AK7: variants seen among roughly 807,000 people sequenced by gnomAD.
AK7 encodes the protein adenylate kinase 7, also known as ATP-AMP transphosphorylase 7.
AK7 carries 78 observed loss-of-function variants against 96.6 expected under a neutral mutation model. That is an observed-to-expected ratio of 0.81 (90% CI 0.67 to 0.97). The LOEUF (loss-of-function observed/expected upper bound fraction) is 0.97, where lower values mean the gene tolerates loss of function less well. AK7 is among the 50% of genes least tolerant of loss of function. The pLI is 0.00. For missense variants in AK7, 855 were observed against 887.9 expected (o/e 0.96, Z 0.47); for synonymous variants, 302 against 317.2 (o/e 0.95, Z 0.51).
chr14:96,486,983 A>G lies in AK7; in HGVS notation c.2060A>G (p.Tyr687Cys), dbSNP rs747492257. 2 of 1,614,168 alleles carry G rather than the reference A, an allele frequency of 1.2e-6. No individual in the cohort carries two copies. Among genetic ancestry groups the G allele is most frequent in the East Asian group, 2.2e-5 (1 of 44,880 alleles). Residue 687 changes from tyrosine to cysteine, a missense_variant, in exon 17 of 18, where the codon TAT becomes TGT. Coordinates refer to ENST00000267584, the MANE Select transcript of AK7 (RefSeq NM_152327.5). ...CCCCTGAGAAACTATTTAATGACCTATGTGATGCCAACTCTTATTCAGGGC... is the reference window on the plus strand; with the variant it reads ...CCCCTGAGAAACTATTTAATGACCTGTGTGATGCCAACTCTTATTCAGGGC... ...SIPLRNYLMT[Y>C]VMPTLIQGLN...
chr14:96,462,054 A>C (rs980934633), intron 12 of AK7, among the ~76,000 whole-genome samples: 3 of 152,168 alleles, frequency 2.0e-5, no homozygotes, highest in African/African-American at 7.2e-5. Context: ...GAGAACACTC[A>C]CTGAGGCCCC....
rs1889775447 is a variant in AK7 at position 96,392,187 on chromosome 14, G to C, written c.33G>C (p.Thr11=). 1.2e-6 allele frequency: 2 copies of C among 1,613,560 alleles called. No individual in the cohort carries two copies. Among genetic ancestry groups the C allele is most frequent in the Non-Finnish European group, 1.7e-6 (2 of 1,179,630 alleles). The change falls in exon 1 of 18, where the codon ACG becomes ACC. Residue 11 remains threonine, a synonymous_variant. Coordinates refer to ENST00000267584, the MANE Select transcript of AK7 (RefSeq NM_152327.5). MAEEEETAAL[T]EKVIRTQRVF... Reference sequence around the variant, plus strand: ...AAGAAGAGGAAACTGCTGCTCTCACGGAGAAGGTTATCCGGACCCAGAGGG... The same window carrying C: ...AAGAAGAGGAAACTGCTGCTCTCACCGAGAAGGTTATCCGGACCCAGAGGG...
rs199998800 is a variant in AK7, at chr14:96,486,881, C to G, written c.1975-17C>G. The G allele has an allele frequency of 3.9e-6, 6 of 1,532,640 alleles. No homozygotes were observed. The African/African-American group carries it at 8.4e-5, about 21-fold the overall frequency. 94.9% of individuals were successfully genotyped at this position (1,532,640 alleles called of 1,614,324 possible). On this transcript the variant is annotated splice_polypyrimidine_tract_variant and intron_variant, in intron 16 of 17. Transcript: ENST00000267584. ...TCTCACTACACATTTACTTTACCACCAAATATTCTATTTTAGAATAAACGA... is the reference window on the plus strand; with the variant it reads ...TCTCACTACACATTTACTTTACCACGAAATATTCTATTTTAGAATAAACGA...
At chr14:96,449,622 C>T (rs553101766) in intron 8 of AK7, among the ~76,000 whole-genome samples, 180 bp from the exon 9 acceptor site, 3 of 152,144 alleles carry the variant, frequency 2.0e-5, no homozygotes, top group Admixed American at 6.6e-5. Flanking sequence ...TTCGTAGAGA[C>T]GGGGTTTCAC....
chr14:96,421,772 A>AT (rs1217400439), intron 5 of AK7, among the ~76,000 whole-genome samples: 1 of 151,804 alleles, frequency 6.6e-6, no homozygotes, highest in Admixed American at 6.6e-5. Flanking sequence ...TGCTCGGCTA[A>AT]TTTTTTGTAT....
chr14:96,442,983 A>C (rs1893040934), intron 7 of AK7, among the ~76,000 whole-genome samples, 165 bp downstream of exon 7: 1 of 152,194 alleles, frequency 6.6e-6, no homozygotes, highest in Non-Finnish European at 1.5e-5. Context: ...TCCATTTTGC[A>C]TCTAATGAAA....
intron 4 of AK7, among the ~76,000 whole-genome samples, chr14:96,416,959 G>A (rs1891382005): frequency 6.6e-6 from 1 of 152,232 alleles, no homozygotes; most frequent in Non-Finnish European, 1.5e-5. Flanking sequence ...TTCTCAAAAT[G>A]TCAGGGAAGA....
chr14:96,428,234 A>T (rs565976900), intron 5 of AK7, among the ~76,000 whole-genome samples: 8,128 of 147,946 alleles, frequency 0.055, 900 homozygotes, highest in African/African-American at 0.2. Flanking sequence ...TGTCCTTGCA[A>T]TAGTTTGCTC....
At chr14:96,466,131 A>G (rs904131312) in intron 12 of AK7, among the ~76,000 whole-genome samples, 1 of 150,740 alleles carries the variant, frequency 6.6e-6, no homozygotes, top group Non-Finnish European at 1.5e-5. Flanking sequence ...GCAGTGGTGC[A>G]CATAGCTCAC....
At chr14:96,441,505 G>T (rs902263821) in intron 6 of AK7, among the ~76,000 whole-genome samples, 1 of 151,882 alleles carries the variant, frequency 6.6e-6, no homozygotes, top group Non-Finnish European at 1.5e-5. Flanking sequence ...CAGGTGTGGT[G>T]GCACATGCTT....
At chr14:96,423,628 A>C in intron 5 of AK7, 1 of 573,974 alleles carries the variant, frequency 1.7e-6, no homozygotes, top group Non-Finnish European at 3.3e-6. Context: ...GCTATGGTAC[A>C]TGCAGCACTG....
In AK7 at chr14:96,478,579, T is replaced by C; in HGVS notation, c.1670T>C (p.Leu557Pro). ...AGCCAAGACCGATTCCTCCGGGCTCTGAGCAACTACCGGGACATCAATATC... is the reference window on the plus strand; with the variant it reads ...AGCCAAGACCGATTCCTCCGGGCTCCGAGCAACTACCGGGACATCAATATC... ...HYSQDRFLRA[L>P]SNYRDINIDD... Residue 557 changes from leucine (L) to proline (P), a missense_variant, in exon 15 of 18, where the codon CTG becomes CCG. Leu to Pro is a moderately conservative substitution (Grantham distance 98). Transcript: ENST00000267584. The C allele has an allele frequency of 6.2e-7, 1 of 1,614,244 alleles. No homozygotes were observed. The highest frequency in any genetic ancestry group is 8.5e-7 in the Non-Finnish European group (1 of 1,180,042).
chr14:96,457,846 C>T (rs972184110), intron 11 of AK7, among the ~76,000 whole-genome samples: 3 of 152,174 alleles, frequency 2.0e-5, no homozygotes, highest in Non-Finnish European at 4.4e-5. Context: ...TTGGCTCAAG[C>T]AGTTCTGGCA....
chr14:96,437,704 G>A lies in AK7; in HGVS notation c.610-131G>A, dbSNP rs563459379. ...CTTTAAGAGATAGGATTTGTATCCC[G>A]AACAATACTCAGTAACCTGCAAGAG... On this transcript the variant is annotated intron_variant, in intron 5 of 17. Coordinates refer to ENST00000267584, the MANE Select transcript of AK7 (RefSeq NM_152327.5). The A allele has an allele frequency of 2.8e-5, 18 of 639,462 alleles. 1 individual carries two copies. The highest frequency in any genetic ancestry group is 1.5e-4 in the African/African-American group (8 of 54,438). 39.6% of individuals were successfully genotyped at this position (639,462 alleles called of 1,614,324 possible). A position where few individuals can be genotyped will look rare whatever the true frequency, so the allele number is the denominator to read the frequency against.
chr14:96,413,966 T>A (rs986570433), intron 4 of AK7, among the ~76,000 whole-genome samples: 2 of 152,184 alleles, frequency 1.3e-5, no homozygotes, highest in African/African-American at 4.8e-5. Flanking sequence ...AAACTAGCCA[T>A]GATGGTTCTA....
intron 12 of AK7, among the ~76,000 whole-genome samples, chr14:96,463,652 G>A (rs1005195501): frequency 4.0e-5 from 6 of 149,652 alleles, no homozygotes; most frequent in South Asian, 4.2e-4. Flanking sequence ...CCTGGGAGGC[G>A]GAGCTTGCAG....
intron 5 of AK7, among the ~76,000 whole-genome samples, chr14:96,437,630 T>G (rs1287540790): frequency 6.6e-6 from 1 of 152,208 alleles, no homozygotes; most frequent in Non-Finnish European, 1.5e-5. Context: ...TGTTAAATTT[T>G]AATAGTAGTC....
intron 7 of AK7, among the ~76,000 whole-genome samples, chr14:96,443,071 C>G (rs1893045886): frequency 6.6e-6 from 1 of 152,208 alleles, no homozygotes; most frequent in Admixed American, 6.5e-5. Flanking sequence ...GACAGAATAG[C>G]AATGCCCTCC....
At chr14:96,420,777 C>A (rs2140039589) in intron 4 of AK7, 45 bp from the exon 5 acceptor site, 2 of 1,372,974 alleles carry the variant, frequency 1.5e-6, no homozygotes, top group South Asian at 1.2e-5. Flanking sequence ...AGTCACACAT[C>A]TCTAATTCAC....
Sources: gnomAD v4.1 joint callset for allele counts (sites outside exome capture counted in the v4.1 genomes callset) on GRCh38, gnomAD v4.1.1 for gene constraint, MANE v1.5 for transcripts, NCBI Gene and HGNC (gene_info 2026-07-23, HGNC 2026-07-21) for gene names.